The following SETD1B variants were observed in gnomAD, a reference collection of about 807,000 sequenced individuals.
SETD1B encodes histone-lysine N-methyltransferase SETD1B.
SETD1B carries 7 observed loss-of-function variants against 148.0 expected under a neutral mutation model. The ratio of observed to expected loss-of-function variants is 0.05; its 90% CI spans 0.03 to 0.09. The LOEUF (loss-of-function observed/expected upper bound fraction) is 0.09. SETD1B is among the 10% of genes least tolerant of loss of function. The probability of loss-of-function intolerance (pLI) is 1.00; values close to 1 mark genes in which losing one functional copy is unlikely to be tolerated. For synonymous variants in SETD1B, 1,361 were observed against 1,186.5 expected, an observed-to-expected ratio of 1.15 and a Z score of -3.02; for missense variants, 2,155 against 2,729.9, an observed-to-expected ratio of 0.79 and a Z score of 4.69.
chr12:121,825,937 C>T (rs777855862), intron 13 of SETD1B, among the ~76,000 whole-genome samples: 21 of 152,080 alleles, frequency 1.4e-4, no homozygotes, highest in South Asian at 1.0e-3. Context: ...TAAGCCACAT[C>T]GCATGGCCTC....
upstream of SETD1B, chr12:121,803,035 C>T (rs1232075243): frequency 6.9e-6 from 1 of 144,862 alleles, no homozygotes; most frequent in Admixed American, 6.8e-5. This position sits in a 1 kb window ranked among gnomAD's most constrained non-coding sequence, Gnocchi z 4.7. Flanking sequence ...CCTGCTCCAG[C>T]CAATTACCTA....
Position 121,810,980 on chromosome 12 carries a change from T to TA in SETD1B, c.1890+150dup. The TA allele has an allele frequency of 9.0e-7, 1 of 1,109,544 alleles. No individual in the cohort carries two copies. Among genetic ancestry groups the TA allele is most frequent in the Non-Finnish European group, 1.2e-6 (1 of 812,054 alleles). 68.7% of individuals were successfully genotyped at this position (1,109,544 alleles called of 1,614,324 possible). A position where few individuals can be genotyped will look rare whatever the true frequency, so the allele number is the denominator to read the frequency against. ...AATATAACAGGTGGAACTTACAGAA[T>TA]AAAAAGGGGATGCAGAAAACACCAG... On this transcript the variant is annotated intron_variant, in intron 6 of 16. Coordinates refer to ENST00000604567, the MANE Select transcript of SETD1B (RefSeq NM_001353345.2). The surrounding 1 kb of genome is among the most constrained non-coding windows in gnomAD (Gnocchi z 7.6).
At chr12:121,797,671 A>G in the SETD1B span, 1 of 452,684 alleles carries the variant, frequency 2.2e-6, no homozygotes, top group African/African-American at 2.0e-5. Context: ...CAATTACTTA[A>G]TTATCCAAAG....
rs958943518 is a variant in SETD1B, at chr12:121,823,235, G to A, written c.4656G>A (p.Leu1552=). 4.5e-6 allele frequency: 7 copies of A among 1,549,580 alleles called. No homozygotes were observed. The Admixed American group carries it at 1.2e-4, about 26-fold the overall frequency. Residue 1552 remains leucine (L), a synonymous_variant, in exon 12 of 17, where the codon CTG becomes CTA. Coordinates refer to ENST00000604567, the MANE Select transcript of SETD1B (RefSeq NM_001353345.2). ...GAALGRELLL[L]PGQPQTPVFP... ...CCCTTGGAAGGGAACTCCTGCTCCT[G>A]CCGGGCCAGCCACAGACCCCCGTCT... is the stretch of plus-strand genomic sequence containing the variant.
chr12:121,808,409 C>G lies in SETD1B; in HGVS notation c.657+89C>G. ...AGCCTCACCAACTCTCTTATGGGAC[C>G]CCCAGCCTACCCCCACCTCACTCCA... On this transcript the variant is annotated intron_variant, in intron 5 of 16. Coordinates refer to ENST00000604567, the MANE Select transcript of SETD1B (RefSeq NM_001353345.2). This position sits in a 1 kb window ranked among gnomAD's most constrained non-coding sequence, Gnocchi z 5.3. 1.3e-6 allele frequency: 1 copy of G among 765,856 alleles called. No individual in the cohort carries two copies. The highest frequency in any genetic ancestry group is 1.7e-5 in the South Asian group (1 of 59,744). The allele number at this position is 765,856 out of a possible 1,614,324, so 47.4% of individuals were successfully genotyped here.
In SETD1B at chr12:121,830,062, G is replaced by A. The variant is rs908055414; in HGVS notation, c.5728-4G>A. On this transcript the variant is annotated splice_region_variant and splice_polypyrimidine_tract_variant and intron_variant, in intron 16 of 16. Coordinates refer to ENST00000604567, the MANE Select transcript of SETD1B (RefSeq NM_001353345.2). This position sits in a 1 kb window ranked among gnomAD's most constrained non-coding sequence, Gnocchi z 5.7. Reference sequence around the variant, plus strand: ...GCTCATTCTCCCCCCCACCTTGCCTGCAGCCCAACTGCTATGCCAAGGTGA... The same window carrying A: ...GCTCATTCTCCCCCCCACCTTGCCTACAGCCCAACTGCTATGCCAAGGTGA... 1.9e-6 allele frequency: 3 copies of A among 1,548,164 alleles called. No individual in the cohort carries two copies. The highest frequency in any genetic ancestry group is 2.6e-6 in the Non-Finnish European group (3 of 1,144,584).
At chr12:121,797,185 C>T in the SETD1B span, 2 of 348,360 alleles carry the variant, frequency 5.7e-6, no homozygotes, top group Admixed American at 7.8e-5. Flanking sequence ...GAGGCTGTGT[C>T]TCCACCCAGA....
chr12:121,826,872 G>A (rs1260242602), intron 13 of SETD1B, among the ~76,000 whole-genome samples: 1 of 152,068 alleles, frequency 6.6e-6, no homozygotes, highest in African/African-American at 2.4e-5. Flanking sequence ...GTGCTGGGAA[G>A]CTGGACACCA....
chr12:121,829,335 G>A (rs1876986281), intron 16 of SETD1B, among the ~76,000 whole-genome samples: 1 of 152,198 alleles, frequency 6.6e-6, no homozygotes, highest in Non-Finnish European at 1.5e-5. Flanking sequence ...CAGAAGTGGA[G>A]AGCAGTAGAC....
rs771862930 is a variant in SETD1B at position 121,817,745 on chromosome 12, C to A, written c.3312+41C>A. ...GGAAGCCTCAGGGGGCCGGGCCAGG[C>A]GACGAGGGCCAGACCCTTCGGCTCA... On this transcript the variant is annotated intron_variant, in intron 9 of 16. Coordinates refer to ENST00000604567, the MANE Select transcript of SETD1B (RefSeq NM_001353345.2). The surrounding 1 kb of genome is among the most constrained non-coding windows in gnomAD (Gnocchi z 8.1). The A allele has an allele frequency of 1.3e-6, 2 of 1,536,108 alleles. No individual in the cohort carries two copies. Among genetic ancestry groups the A allele is most frequent in the Non-Finnish European group, 8.8e-7 (1 of 1,136,364 alleles).
At chr12:121,792,075 G>A in the SETD1B span, among the ~76,000 whole-genome samples, 3 of 152,236 alleles carry the variant, frequency 2.0e-5, no homozygotes, top group Admixed American at 6.5e-5. Context: ...CAGAGGCCAC[G>A]ATAGGACCTG....
chr12:121,822,375 G>T (rs1446562108), intron 11 of SETD1B, 115 bp from the exon 12 acceptor site: 15 of 1,254,428 alleles, frequency 1.2e-5, no homozygotes, highest in Non-Finnish European at 1.6e-5. Context: ...GAGAAGGACA[G>T]GTCCCGTGCT....
At position 121,804,283 on chromosome 12, in the gene SETD1B, C is replaced by T. The variant is rs1187109705; in HGVS notation, c.-15+50C>T. The T allele has an allele frequency of 6.8e-6, 1 of 146,304 alleles. No individual in the cohort carries two copies. Among genetic ancestry groups the T allele is most frequent in the African/African-American group, 2.5e-5 (1 of 40,810 alleles). 9.1% of individuals were successfully genotyped at this position (146,304 alleles called of 1,614,324 possible). A position where few individuals can be genotyped will look rare whatever the true frequency, so the allele number is the denominator to read the frequency against. Reference sequence around the variant, plus strand: ...GGCCGCGGCCGGCAGCCGGGCGGCCCAAGCCCCCGGCCCCGGCCCTGGCCC... The same window carrying T: ...GGCCGCGGCCGGCAGCCGGGCGGCCTAAGCCCCCGGCCCCGGCCCTGGCCC... On this transcript the variant is annotated intron_variant, in intron 1 of 16. Coordinates refer to ENST00000604567, the MANE Select transcript of SETD1B (RefSeq NM_001353345.2). This position sits in a 1 kb window ranked among gnomAD's most constrained non-coding sequence, Gnocchi z 4.6.
the SETD1B span, chr12:121,793,031 G>A: frequency 1.2e-6 from 1 of 847,276 alleles, no homozygotes; most frequent in Non-Finnish European, 1.8e-6. Flanking sequence ...CTCCAGGAGT[G>A]AAGAGCCGGC....
intron 11 of SETD1B, 119 bp downstream of exon 11, chr12:121,820,014 T>C: frequency 2.4e-6 from 2 of 850,426 alleles, no homozygotes; most frequent in Non-Finnish European, 3.6e-6. Flanking sequence ...GTTTCCCGTG[T>C]AAAACGAGAT....
In SETD1B at chr12:121,817,750, A is replaced by ACCCC. The variant is rs1161896575; in HGVS notation, c.3312+46_3312+47insCCCC. 2 of 1,536,858 alleles carry ACCCC rather than the reference A, an allele frequency of 1.3e-6. No homozygotes were observed. The highest frequency in any genetic ancestry group is 8.8e-7 in the Non-Finnish European group (1 of 1,136,874). Reference sequence around the variant, plus strand: ...CCTCAGGGGGCCGGGCCAGGCGACGAGGGCCAGACCCTTCGGCTCACCTGT... The same window carrying ACCCC: ...CCTCAGGGGGCCGGGCCAGGCGACGACCCCGGGCCAGACCCTTCGGCTCACCTGT... On this transcript the variant is annotated intron_variant, in intron 9 of 16. Coordinates refer to ENST00000604567, the MANE Select transcript of SETD1B (RefSeq NM_001353345.2). The surrounding 1 kb of genome is among the most constrained non-coding windows in gnomAD (Gnocchi z 8.1).
At chr12:121,790,411 G>A in the SETD1B span, among the ~76,000 whole-genome samples, 437 of 152,326 alleles carry the variant, frequency 2.9e-3, 2 homozygotes, top group South Asian at 0.022. Context: ...CTCTCTCTAC[G>A]TGGCCGCCTG....
At chr12:121,825,511 GC>G in intron 13 of SETD1B, 145 bp downstream of exon 13, 5 of 646,072 alleles carry the variant, frequency 7.7e-6, no homozygotes, top group Non-Finnish European at 1.3e-5. Flanking sequence ...AAGGGGAGAG[GC>G]GGGTGGGCGG....
the SETD1B span, chr12:121,797,081 G>C: frequency 4.3e-6 from 1 of 231,618 alleles, no homozygotes; most frequent in Non-Finnish European, 8.8e-6. Flanking sequence ...CAGCGCTCAG[G>C]GGCAGGAGCT....
Sources: gnomAD v4.1 joint callset for allele counts (sites outside exome capture counted in the v4.1 genomes callset) on GRCh38, gnomAD v4.1.1 for gene constraint, Gnocchi (gnomAD v3.1) non-coding constraint, MANE v1.5 for transcripts, NCBI Gene and HGNC (gene_info 2026-07-23, HGNC 2026-07-21) for gene names.